Variants in INTS3 observed in about 807,000 individuals in gnomAD.
The protein encoded by INTS3 is SOSS complex subunit A.
Under a neutral mutation model 146.3 loss-of-function variants are expected in INTS3, and 34 were observed. The observed-to-expected ratio is 0.23, with a 90% CI of 0.18 to 0.31. The LOEUF is 0.31. Ranked by LOEUF, INTS3 falls within the 10% of genes least tolerant of loss-of-function variation. INTS3 has a pLI of 1.00. For synonymous variants in INTS3, 475 were observed against 494.9 expected (o/e 0.96, Z 0.53); for missense variants, 757 against 1,304.2 (o/e 0.58, Z 6.46).
Position 153,746,972 on chromosome 1 carries a change from G to A in INTS3, c.334G>A (p.Ala112Thr), listed in dbSNP as rs1481939422. Residue 112 changes from alanine to threonine, a missense_variant, in exon 4 of 30, where the codon GCT becomes ACT. Coordinates refer to ENST00000318967, the MANE Select transcript of INTS3 (RefSeq NM_023015.5). ...CTTCTCACAGTGTTACCGGGACTTA[G>A]CTCTGGTGAGTCGTGATGGCATGAA... Reference protein sequence around the residue: ...AQAQKCYRDLALVSRDGMNIV... With the variant: ...AQAQKCYRDLTLVSRDGMNIV... 6.2e-7 allele frequency: 1 copy of A among 1,613,220 alleles called. No homozygotes were observed. Among genetic ancestry groups the A allele is most frequent in the East Asian group, 2.2e-5 (1 of 44,876 alleles).
chr1:153,748,362 ATCCTTTCTT>A (rs1201450993), intron 5 of INTS3: 1 of 353,738 alleles, frequency 2.8e-6, no homozygotes, highest in Non-Finnish European at 5.4e-6. Flanking sequence ...CTGAGATATC[ATCCTTTCTT>A]TCCAACTGTG....
intron 2 of INTS3, 36 bp from the exon 3 acceptor site, chr1:153,741,249 G>A: frequency 6.6e-7 from 1 of 1,507,014 alleles, no homozygotes; most frequent in Non-Finnish European, 9.2e-7. Context: ...CTGCCTGTGA[G>A]TGACAACTAG....
intron 1 of INTS3, among the ~76,000 whole-genome samples, chr1:153,731,680 G>T (rs372436980): frequency 6.7e-6 from 1 of 148,304 alleles, no homozygotes; most frequent in East Asian, 2.0e-4. Flanking sequence ...CTGCCTCCCG[G>T]GTTCACACCA....
At chr1:153,746,453 T>C (rs892993980) in intron 3 of INTS3, among the ~76,000 whole-genome samples, 1 of 149,460 alleles carries the variant, frequency 6.7e-6, no homozygotes, top group African/African-American at 2.5e-5. Context: ...CAGGCTAGAG[T>C]GCAGTGGCGC....
At chr1:153,741,920 GAA>G (rs1330860622) in intron 3 of INTS3, among the ~76,000 whole-genome samples, 2 of 152,226 alleles carry the variant, frequency 1.3e-5, no homozygotes, top group African/African-American at 4.8e-5. Flanking sequence ...TTCACAAACT[GAA>G]GAGTCCCCTT....
At chr1:153,754,411 G>A (rs1672084124) in intron 8 of INTS3, among the ~76,000 whole-genome samples, 1 of 152,186 alleles carries the variant, frequency 6.6e-6, no homozygotes, top group South Asian at 2.1e-4. Flanking sequence ...AAGACCAGCA[G>A]AAGACAGGAA....
intron 10 of INTS3, among the ~76,000 whole-genome samples, chr1:153,758,728 G>T (rs1672258678): frequency 6.6e-6 from 1 of 151,806 alleles, no homozygotes; most frequent in African/African-American, 2.4e-5. Flanking sequence ...AGCCTGGGAG[G>T]TAGAGGTTGC....
chr1:153,767,393 C>T (rs1672629849), intron 20 of INTS3: 1 of 360,660 alleles, frequency 2.8e-6, no homozygotes, highest in African/African-American at 2.1e-5. Flanking sequence ...GACCTGAGCC[C>T]TCCCTCTTCT....
chr1:153,759,936 A>G, intron 11 of INTS3: 1 of 496,328 alleles, frequency 2.0e-6, no homozygotes, highest in Non-Finnish European at 3.6e-6. Context: ...TGCTGGGAAC[A>G]AGAAGGGAAA....
chr1:153,745,449 A>G (rs1031247400), intron 3 of INTS3, among the ~76,000 whole-genome samples: 26 of 151,906 alleles, frequency 1.7e-4, no homozygotes, highest in Non-Finnish European at 2.4e-4. Context: ...ATGAGCCACC[A>G]TACCCGGCCC....
At chr1:153,738,249 C>T (rs757256897) in intron 1 of INTS3, among the ~76,000 whole-genome samples, 23 of 152,152 alleles carry the variant, frequency 1.5e-4, no homozygotes, top group South Asian at 8.3e-4. Context: ...CAGGCATGCA[C>T]AACCATGCTC....
In INTS3 at chr1:153,764,213, T is replaced by C. The variant is rs1317389625; in HGVS notation, c.1917T>C (p.Ile639=). The part of the protein sequence containing the change: ...HFRGEVLPEE[I]TEESLEESVG... ...GAGGGGAGGTCCTGCCTGAGGAGAT[T>C]ACTGAGGAGTAAGGCTGATTTTCCC... Residue 639 remains isoleucine, a synonymous_variant, in exon 18 of 30, where the codon ATT becomes ATC. Coordinates refer to ENST00000318967, the MANE Select transcript of INTS3 (RefSeq NM_023015.5). 1.2e-6 allele frequency: 2 copies of C among 1,610,814 alleles called. No homozygotes were observed. The highest frequency in any genetic ancestry group is 1.7e-6 in the Non-Finnish European group (2 of 1,177,158).
At chr1:153,760,082 T>G (rs2101815821) in intron 11 of INTS3, 2 of 578,894 alleles carry the variant, frequency 3.5e-6, no homozygotes, top group East Asian at 5.7e-5. Flanking sequence ...ACAGACTGAC[T>G]TTAGCCTGGC....
rs200291183 is a variant in INTS3, at chr1:153,770,271, G to A, written c.2463G>A (p.Leu821=). Residue 821 remains leucine, a synonymous_variant, in exon 24 of 30, where the codon CTG becomes CTA. Transcript: ENST00000318967. ...WQLFLAHNIP[L]ETIIPILQHL... ...TCTTTCTGGCCCACAATATTCCCCT[G>A]GAGACCATAATCCCCATCCTGCAGC... is the stretch of plus-strand genomic sequence containing the variant. The A allele has an allele frequency of 1.2e-5, 19 of 1,613,360 alleles. No homozygotes were observed. The highest frequency in any genetic ancestry group is 1.6e-5 in the Non-Finnish European group (19 of 1,179,484).
Position 153,773,562 on chromosome 1 carries a change from A to G in INTS3, c.*292A>G, listed in dbSNP as rs1479735466. 5.7e-6 allele frequency: 3 copies of G among 530,416 alleles called. No homozygotes were observed. The highest frequency in any genetic ancestry group is 1.0e-5 in the Non-Finnish European group (3 of 287,890). 32.9% of individuals were successfully genotyped at this position (530,416 alleles called of 1,614,324 possible). ...AAATCAGACCATAGTGGAAGTCCTC[A>G]GCCCCCTGGCCCCTTCCGCAATCTC... On this transcript the variant is annotated 3_prime_UTR_variant, in exon 30 of 30. Coordinates refer to ENST00000318967, the MANE Select transcript of INTS3 (RefSeq NM_023015.5).
intron 6 of INTS3, among the ~76,000 whole-genome samples, chr1:153,749,595 A>G (rs960188166): frequency 6.6e-6 from 1 of 152,182 alleles, no homozygotes; most frequent in Non-Finnish European, 1.5e-5. Flanking sequence ...AGTGCCACCT[A>G]GTGCTCTGGG....
chr1:153,761,050 G>A lies in INTS3; in HGVS notation c.1409+132G>A, dbSNP rs1672364766. On this transcript the variant is annotated intron_variant, in intron 13 of 29. Transcript: ENST00000318967. ...AAAAGTATTGGCTCTACCTCAGACT[G>A]CTGGGCATATGTCTTCTTGGCTCTT... 2.0e-6 allele frequency: 3 copies of A among 1,477,346 alleles called. No homozygotes were observed. In the Admixed American group the frequency reaches 7.5e-5, roughly 37 times the overall value. 91.5% of individuals were successfully genotyped at this position (1,477,346 alleles called of 1,614,324 possible).
intron 25 of INTS3, among the ~76,000 whole-genome samples, chr1:153,771,096 G>A (rs1290437360): frequency 2.0e-5 from 3 of 152,004 alleles, no homozygotes; most frequent in African/African-American, 4.8e-5. Flanking sequence ...AGAGGAGGGA[G>A]GGTCAGGGTA....
At position 153,757,650 on chromosome 1, in the gene INTS3, C is replaced by T. The variant is rs775136705; in HGVS notation, c.1036C>T (p.Arg346Cys). 3 of 1,614,164 alleles carry T rather than the reference C, an allele frequency of 1.9e-6. No individual in the cohort carries two copies. Among genetic ancestry groups the T allele is most frequent in the South Asian group, 1.1e-5 (1 of 91,088 alleles). Residue 346 changes from arginine (R) to cysteine (C), a missense_variant, in exon 10 of 30, where the codon CGC (arginine) becomes TGC (cysteine). Transcript: ENST00000318967. This position sits in a 1 kb window ranked among gnomAD's most constrained non-coding sequence, Gnocchi z 4.0. ...YLSTPDSQSL[R>C]CDLIRYICGV... is the part of the protein sequence containing the mutation. The stretch of plus-strand genomic sequence containing the variant: ...GTCAACTCCAGATAGTCAGTCTCTG[C>T]GCTGTGACCTCATTCGCTACATCTG...
Sources: gnomAD v4.1 joint callset for allele counts (sites outside exome capture counted in the v4.1 genomes callset) on GRCh38, gnomAD v4.1.1 for gene constraint, Gnocchi (gnomAD v3.1) non-coding constraint, MANE v1.5 for transcripts, NCBI Gene and HGNC (gene_info 2026-07-23, HGNC 2026-07-21) for gene names.